The following NRG3 variants were observed in gnomAD, a reference collection of about 807,000 sequenced individuals.
NRG3 encodes neuregulin 3.
In NRG3, 31 loss-of-function variants were observed where a neutral mutation model predicts 66.9. The observed-to-expected ratio is 0.46, with a 90% CI of 0.35 to 0.63. The LOEUF (loss-of-function observed/expected upper bound fraction) is 0.63, where lower values mean the gene tolerates loss of function less well. Ranked by LOEUF, NRG3 falls within the 20% of genes least tolerant of loss-of-function variation. The pLI, the probability that NRG3 is intolerant of heterozygous loss-of-function variation, is 0.00. For missense variants in NRG3, 910 were observed against 878.9 expected (o/e 1.04, Z -0.45); for synonymous variants, 393 against 359.4 (o/e 1.09, Z -1.06).
chr10:82,305,057 C>T (rs2080644224), intron 1 of NRG3, among the ~76,000 whole-genome samples: 1 of 125,116 alleles, frequency 8.0e-6, no homozygotes, highest in Non-Finnish European at 1.6e-5. Flanking sequence ...TGCAGTGGTG[C>T]GATCTCAGCT....
At chr10:82,832,493 G>T (rs1343833664) in intron 3 of NRG3, among the ~76,000 whole-genome samples, 1 of 152,082 alleles carries the variant, frequency 6.6e-6, no homozygotes, top group Non-Finnish European at 1.5e-5. Context: ...GCAATACAAA[G>T]CAATAATAAT....
intron 2 of NRG3, among the ~76,000 whole-genome samples, chr10:82,614,947 C>A (rs191481125): frequency 1.3e-5 from 2 of 151,538 alleles, no homozygotes; most frequent in Admixed American, 1.3e-4. Context: ...GGGGACCATG[C>A]TTTCAAGACC....
chr10:81,975,686 T>C (rs566880642), intron 1 of NRG3, among the ~76,000 whole-genome samples: 20 of 152,296 alleles, frequency 1.3e-4, no homozygotes, highest in African/African-American at 4.8e-4. Context: ...GAGAGAATCA[T>C]GGCCTTCCAA....
chr10:82,560,143 A>G (rs554702966), intron 2 of NRG3, among the ~76,000 whole-genome samples: 35 of 151,890 alleles, frequency 2.3e-4, no homozygotes, highest in Admixed American at 1.4e-3. Flanking sequence ...TTGAGGAATA[A>G]TTAAAAATAA....
At chr10:82,857,911 G>C (rs187143248) in intron 3 of NRG3, among the ~76,000 whole-genome samples, 25 of 152,288 alleles carry the variant, frequency 1.6e-4, no homozygotes, top group African/African-American at 6.0e-4. Context: ...AAAGGATGAA[G>C]TGATAATATC....
intron 2 of NRG3, among the ~76,000 whole-genome samples, chr10:82,609,325 A>G (rs1256711368): frequency 6.6e-6 from 1 of 152,200 alleles, no homozygotes; most frequent in Non-Finnish European, 1.5e-5. Flanking sequence ...GTGCCAATCT[A>G]TGGACCAGGT....
intron 3 of NRG3, among the ~76,000 whole-genome samples, chr10:82,847,058 C>A (rs1180681321): frequency 6.6e-6 from 1 of 152,212 alleles, no homozygotes; most frequent in Non-Finnish European, 1.5e-5. Context: ...TCCTTAAGTT[C>A]TTCTCATCTA....
chr10:82,744,134 T>G (rs1013545347), intron 3 of NRG3, among the ~76,000 whole-genome samples: 30 of 152,264 alleles, frequency 2.0e-4, no homozygotes, highest in African/African-American at 7.0e-4. Context: ...GGGAGTTCAG[T>G]GCACCACCAA....
chr10:82,183,814 A>G (rs1345262253), intron 1 of NRG3, among the ~76,000 whole-genome samples: 1 of 152,064 alleles, frequency 6.6e-6, no homozygotes, highest in Non-Finnish European at 1.5e-5. Context: ...ACCTCAAATG[A>G]CAAGTTGAGG....
At chr10:82,125,865 C>T (rs1365932269) in intron 1 of NRG3, among the ~76,000 whole-genome samples, 4 of 151,988 alleles carry the variant, frequency 2.6e-5, no homozygotes, top group African/African-American at 4.8e-5. Context: ...GTCAGGTCTC[C>T]CTGGACTTCA....
intron 3 of NRG3, among the ~76,000 whole-genome samples, chr10:82,741,304 AG>A (rs1033489446): frequency 2.0e-5 from 3 of 152,074 alleles, no homozygotes; most frequent in East Asian, 1.9e-4. Context: ...CAGATTAGTG[AG>A]GGGGAAAAAC....
chr10:82,294,769 A>G (rs1368119510), intron 1 of NRG3, among the ~76,000 whole-genome samples: 1 of 152,128 alleles, frequency 6.6e-6, no homozygotes, highest in African/African-American at 2.4e-5. Context: ...CTCTTGGAAT[A>G]TCTGAATTCA....
intron 2 of NRG3, among the ~76,000 whole-genome samples, chr10:82,712,112 G>A (rs2056706483): frequency 6.6e-6 from 1 of 151,956 alleles, no homozygotes; most frequent in African/African-American, 2.4e-5. Context: ...TTTCACAGTA[G>A]TTGTAACTTT....
chr10:82,788,971 A>G (rs1288911201), intron 3 of NRG3, among the ~76,000 whole-genome samples: 1 of 152,160 alleles, frequency 6.6e-6, no homozygotes. Context: ...AATTTGTGCT[A>G]TGAACATTCA....
intron 1 of NRG3, among the ~76,000 whole-genome samples, chr10:82,075,954 T>A (rs1318306899): frequency 6.8e-6 from 1 of 147,398 alleles, no homozygotes. Flanking sequence ...TAAACATAGT[T>A]AAAAAAAAAA....
chr10:82,242,408 A>G (rs2077045374), intron 1 of NRG3, among the ~76,000 whole-genome samples: 1 of 152,210 alleles, frequency 6.6e-6, no homozygotes, highest in Non-Finnish European at 1.5e-5. Context: ...TTAGGGACAA[A>G]GAACATTTCT....
At chr10:82,480,534 C>A (rs762020984) in intron 2 of NRG3, among the ~76,000 whole-genome samples, 2 of 152,028 alleles carry the variant, frequency 1.3e-5, no homozygotes, top group African/African-American at 4.8e-5. Flanking sequence ...GTGTGTTGAC[C>A]ATTTTTTTGG....
intron 2 of NRG3, among the ~76,000 whole-genome samples, chr10:82,590,696 CATG>C (rs1165614094): frequency 6.6e-6 from 1 of 152,164 alleles, no homozygotes; most frequent in African/African-American, 2.4e-5. Flanking sequence ...TACCAGCTGG[CATG>C]ATAAGTGAGG....
rs150860604 is a variant in NRG3 at position 82,581,281 on chromosome 10, T to C, written c.954-157296T>C. On this transcript the variant is annotated intron_variant, in intron 2 of 8. Transcript: ENST00000372141. ...CATTTCCCACTTTTTAATTAGGTTG[T>C]TTCTTTACTTATTGTTCAGTTTAAA... 2.7e-3 allele frequency among the ~76,000 whole-genome samples: 417 copies of C among 152,188 alleles called. 2 individuals are homozygous for C. Among genetic ancestry groups the C allele is most frequent in the African/African-American group, 8.3e-3 (347 of 41,562 alleles).
Sources: gnomAD v4.1 joint callset for allele counts (sites outside exome capture counted in the v4.1 genomes callset) on GRCh38, gnomAD v4.1.1 for gene constraint, MANE v1.5 for transcripts, NCBI Gene and HGNC (gene_info 2026-07-23, HGNC 2026-07-21) for gene names.